Variants in SRGAP1 observed in about 807,000 individuals in gnomAD.
SRGAP1 encodes the protein SLIT-ROBO Rho GTPase-activating protein 1.
SRGAP1 carries 43 observed loss-of-function variants against 121.9 expected under a neutral mutation model. The ratio of observed to expected loss-of-function variants is 0.35; its 90% confidence interval spans 0.28 to 0.46. The LOEUF is 0.46. SRGAP1 is among the 20% of genes least tolerant of loss of function. The probability of loss-of-function intolerance (pLI) is 1.00; values close to 1 mark genes in which losing one functional copy is unlikely to be tolerated. For missense variants in SRGAP1, 1,102 were observed against 1,350.9 expected, an observed-to-expected ratio of 0.82 and a Z score of 2.89; for synonymous variants, 447 against 485.4, an observed-to-expected ratio of 0.92 and a Z score of 1.04.
intron 1 of SRGAP1, among the ~76,000 whole-genome samples, chr12:63,949,396 TTTATTATTA>T (rs71089906): frequency 0.23 from 28,329 of 125,830 alleles, 3,219 homozygotes; most frequent in Middle Eastern, 0.35. Context: ...ATTTTTATTA[TTTATTATTA>T]TTATTATTAT....
intron 1 of SRGAP1, among the ~76,000 whole-genome samples, chr12:63,873,527 C>G (rs1420066751): frequency 6.9e-6 from 1 of 145,636 alleles, no homozygotes; most frequent in Non-Finnish European, 1.5e-5. Context: ...GAGTGAAAAT[C>G]CGTCTCAAAA....
At chr12:63,910,019 A>G (rs1041749884) in intron 1 of SRGAP1, among the ~76,000 whole-genome samples, 18 of 152,254 alleles carry the variant, frequency 1.2e-4, no homozygotes, top group Non-Finnish European at 2.5e-4. Flanking sequence ...CATCTAAATT[A>G]GTGTCTGATT....
chr12:63,971,528 A>G lies in SRGAP1; in HGVS notation c.68-12419A>G, dbSNP rs531735137. 2.7e-3 allele frequency among the ~76,000 whole-genome samples: 414 copies of G among 152,288 alleles called. 2 individuals are homozygous for G. The highest frequency in any genetic ancestry group is 3.4e-3 in the Middle Eastern group (1 of 294). ...GCAGGTAAAAGCTGGATGTTTGTGC[A>G]GGACTAGAAGTATACTTTTATTATA... On this transcript the variant is annotated intron_variant, in intron 1 of 21. Coordinates refer to ENST00000355086, the MANE Select transcript of SRGAP1 (RefSeq NM_020762.4).
chr12:63,995,927 C>T lies in SRGAP1; in HGVS notation c.426+5855C>T, dbSNP rs375482806. On this transcript the variant is annotated intron_variant, in intron 3 of 21. Transcript: ENST00000355086. ...AGGAGAAAAGCTGTAGTTTCAAATA[C>T]ACCATTTAAAATAGGTTAATATTCA... Among the ~76,000 whole-genome samples the T allele has an allele frequency of 7.9e-5, 12 of 151,284 alleles. No homozygotes were observed. In the East Asian group the frequency reaches 2.1e-3, roughly 27 times the overall value.
chr12:63,996,703 C>T (rs1361410382), intron 3 of SRGAP1, among the ~76,000 whole-genome samples: 1 of 151,948 alleles, frequency 6.6e-6, no homozygotes, highest in East Asian at 1.9e-4. Flanking sequence ...CATTTTAGTG[C>T]AGTGTTGCAG....
chr12:64,095,180 G>T lies in SRGAP1; in HGVS notation c.1654G>T (p.Asp552Tyr). The change falls in exon 14 of 22, where the codon GAT (aspartate) becomes TAT (tyrosine). Residue 552 changes from aspartate to tyrosine, a missense_variant. Transcript: ENST00000355086. The part of the protein sequence containing the change: ...RVSGSQVEVN[D>Y]IKNSFERGEN... Reference sequence around the variant, plus strand: ...GTCTGGTTCCCAGGTGGAAGTCAATGATATTAAAAATTCATTTGAGAGAGG... The same window carrying T: ...GTCTGGTTCCCAGGTGGAAGTCAATTATATTAAAAATTCATTTGAGAGAGG... 3 of 1,614,036 alleles carry T rather than the reference G, an allele frequency of 1.9e-6. No homozygotes were observed. The highest frequency in any genetic ancestry group is 2.5e-6 in the Non-Finnish European group (3 of 1,179,990).
intron 1 of SRGAP1, among the ~76,000 whole-genome samples, chr12:63,875,690 G>A (rs1040504891): frequency 6.6e-6 from 1 of 152,180 alleles, no homozygotes; most frequent in African/African-American, 2.4e-5. Context: ...AACTTGGAAG[G>A]TATTTTGGTG....
chr12:63,849,809 A>G (rs560821888), intron 1 of SRGAP1, among the ~76,000 whole-genome samples: 2 of 152,220 alleles, frequency 1.3e-5, no homozygotes. Flanking sequence ...ACAGAGTTGC[A>G]CAATTAAGAC....
chr12:63,891,810 A>C (rs1002312309), intron 1 of SRGAP1, among the ~76,000 whole-genome samples: 6 of 151,914 alleles, frequency 3.9e-5, no homozygotes, highest in Non-Finnish European at 5.9e-5. Context: ...AACATAGTAA[A>C]ACCCCATCTC....
chr12:63,854,115 G>C (rs151024367), intron 1 of SRGAP1, among the ~76,000 whole-genome samples: 1 of 152,236 alleles, frequency 6.6e-6, no homozygotes, highest in East Asian at 1.9e-4. Context: ...TAGCCACCCA[G>C]GTTAAGAAAG....
intron 1 of SRGAP1, chr12:63,983,256 T>C (rs1190144001): frequency 2.0e-5 from 3 of 152,314 alleles, no homozygotes; most frequent in African/African-American, 4.8e-5. Context: ...AAATGATGCT[T>C]ATTTCTTTGC....
intron 1 of SRGAP1, among the ~76,000 whole-genome samples, chr12:63,949,379 A>T (rs1173863295): frequency 7.3e-6 from 1 of 136,120 alleles, no homozygotes; most frequent in African/African-American, 2.7e-5. Context: ...GGTGTCTTGG[A>T]TCAGACATTT....
intron 1 of SRGAP1, among the ~76,000 whole-genome samples, chr12:63,894,638 C>T (rs1900694510): frequency 6.6e-6 from 1 of 152,116 alleles, no homozygotes; most frequent in Non-Finnish European, 1.5e-5. Context: ...CACCCCACGA[C>T]AGGCCCCGGT....
At chr12:64,134,150 G>A (rs981619965) in intron 21 of SRGAP1, among the ~76,000 whole-genome samples, 7 of 151,998 alleles carry the variant, frequency 4.6e-5, no homozygotes, top group Admixed American at 6.6e-5. Context: ...GGCCAAGTGC[G>A]GTGGCTCATG....
chr12:63,906,389 A>G (rs796204452), intron 1 of SRGAP1, among the ~76,000 whole-genome samples: 20 of 148,350 alleles, frequency 1.3e-4, no homozygotes, highest in African/African-American at 4.5e-4. Flanking sequence ...ATCTCGGCTC[A>G]CTGCAAGCTC....
At chr12:63,979,134 G>T (rs903301365) in intron 1 of SRGAP1, among the ~76,000 whole-genome samples, 17 of 143,846 alleles carry the variant, frequency 1.2e-4, no homozygotes, top group African/African-American at 4.4e-4. Context: ...CTGCCTGCCA[G>T]GTTCAAGCAA....
At chr12:63,879,899 C>T (rs1034289596) in intron 1 of SRGAP1, among the ~76,000 whole-genome samples, 1 of 152,082 alleles carries the variant, frequency 6.6e-6, no homozygotes, top group Admixed American at 6.6e-5. Flanking sequence ...GTCTCCAGAC[C>T]AAGATGGCCG....
intron 1 of SRGAP1, among the ~76,000 whole-genome samples, chr12:63,868,052 ATATATTTTTTTT>A (rs1899703274): frequency 3.3e-5 from 1 of 30,568 alleles, no homozygotes; most frequent in Non-Finnish European, 7.2e-5. Flanking sequence ...ATATATATAT[ATATATTTTTTTT>A]TTTTTTTTTT....
rs147210549 is a variant in SRGAP1, at chr12:64,016,896, A to G, written c.427-54A>G. ...ACATTCCTCTATTTTCAGTTAGTGG[A>G]CTTTTTAAGATGTAAATAATTTTAA... On this transcript the variant is annotated intron_variant, in intron 3 of 21. Transcript: ENST00000355086. 21 of 984,064 alleles carry G rather than the reference A, an allele frequency of 2.1e-5. No individual in the cohort carries two copies. The African/African-American group carries it at 2.9e-4, about 14-fold the overall frequency. 61.0% of individuals were successfully genotyped at this position (984,064 alleles called of 1,614,324 possible).
Sources: allele counts gnomAD v4.1 joint callset (sites outside exome capture counted in the v4.1 genomes callset), GRCh38; gene constraint gnomAD v4.1.1; transcripts MANE v1.5; gene names NCBI Gene and HGNC (gene_info 2026-07-23, HGNC 2026-07-21).